Variants in SLCO6A1 observed in about 807,000 individuals in gnomAD.
SLCO6A1 encodes solute carrier organic anion transporter family member 6A1.
Under a neutral mutation model 72.7 loss-of-function variants are expected in SLCO6A1, and 65 were observed. That is an observed-to-expected ratio of 0.89 (90% CI 0.73 to 1.10). The LOEUF is 1.10. Ranked by LOEUF, SLCO6A1 falls within the 50% of genes least tolerant of loss-of-function variation. The pLI, the probability that SLCO6A1 is intolerant of heterozygous loss-of-function variation, is 0.00. For synonymous variants in SLCO6A1, 314 were observed against 298.2 expected (o/e 1.05, Z -0.55); for missense variants, 874 against 872.6 (o/e 1.00, Z -0.02).
chr5:102,444,592 A>G (rs1292736067), intron 6 of SLCO6A1, among the ~76,000 whole-genome samples: 1 of 152,128 alleles, frequency 6.6e-6, no homozygotes, highest in Non-Finnish European at 1.5e-5. Flanking sequence ...AAATGCTGCT[A>G]ATTGCAAATT....
intron 4 of SLCO6A1, among the ~76,000 whole-genome samples, chr5:102,465,699 T>A (rs933366303): frequency 6.6e-6 from 1 of 152,124 alleles, no homozygotes; most frequent in Admixed American, 6.6e-5. Flanking sequence ...GAGTTTACCA[T>A]CACATCTTCC....
intron 7 of SLCO6A1, among the ~76,000 whole-genome samples, chr5:102,423,021 A>G (rs1047848062): frequency 6.6e-6 from 1 of 152,156 alleles, no homozygotes; most frequent in African/African-American, 2.4e-5. Flanking sequence ...TATCCAACCA[A>G]ACTAAGCTTC....
intron 9 of SLCO6A1, among the ~76,000 whole-genome samples, chr5:102,407,713 G>A (rs2112572123): frequency 6.6e-6 from 1 of 152,298 alleles, no homozygotes; most frequent in South Asian, 2.1e-4. Flanking sequence ...TGAAGACGGA[G>A]TGGGTTATAT....
At chr5:102,416,578 G>A (rs1748298531) in intron 8 of SLCO6A1, among the ~76,000 whole-genome samples, 1 of 151,928 alleles carries the variant, frequency 6.6e-6, no homozygotes, top group South Asian at 2.1e-4. Context: ...GACTCAGAAA[G>A]GTAAGGAGGT....
intron 12 of SLCO6A1, among the ~76,000 whole-genome samples, chr5:102,382,035 C>T (rs1746137921): frequency 6.6e-6 from 1 of 151,660 alleles, no homozygotes; most frequent in African/African-American, 2.4e-5. Flanking sequence ...ACTCTGTTGA[C>T]TGTTTCCATT....
At chr5:102,425,565 G>A (rs1196344252) in intron 7 of SLCO6A1, among the ~76,000 whole-genome samples, 2 of 152,082 alleles carry the variant, frequency 1.3e-5, no homozygotes, top group African/African-American at 4.8e-5. Flanking sequence ...ATTTACAAGG[G>A]ATGTGAAGAA....
chr5:102,390,121 T>G (rs1746671552), intron 11 of SLCO6A1, among the ~76,000 whole-genome samples: 1 of 152,146 alleles, frequency 6.6e-6, no homozygotes. Context: ...CTAAAATATC[T>G]ATAGACAGTT....
chr5:102,442,806 GT>G (rs1239020028), intron 6 of SLCO6A1, among the ~76,000 whole-genome samples: 1 of 152,220 alleles, frequency 6.6e-6, no homozygotes, highest in Non-Finnish European at 1.5e-5. Flanking sequence ...GCTCATGCCT[GT>G]ATTCCCAGCA....
At position 102,490,629 on chromosome 5, in the gene SLCO6A1, C is replaced by T. The variant is rs745658887; in HGVS notation, c.358+7858G>A. 7.2e-5 allele frequency among the ~76,000 whole-genome samples: 11 copies of T among 152,168 alleles called. No homozygotes were observed. The South Asian group carries it at 1.0e-3, about 14-fold the overall frequency. The stretch of plus-strand genomic sequence containing the variant: ...TCTGGAGTTTGTTTGTTCTGATGTT[C>T]GGGTGTGTTCCGAGTTTCTTCCTTC... On this transcript the variant is annotated intron_variant, in intron 1 of 13. Transcript: ENST00000506729.
At chr5:102,489,376 T>A (rs1380076584) in intron 1 of SLCO6A1, among the ~76,000 whole-genome samples, 1 of 152,190 alleles carries the variant, frequency 6.6e-6, no homozygotes, top group Non-Finnish European at 1.5e-5. Flanking sequence ...TTACCCAGAA[T>A]ATTTAAGGAA....
At chr5:102,398,092 A>C (rs1360417805) in intron 10 of SLCO6A1, among the ~76,000 whole-genome samples, 1 of 152,204 alleles carries the variant, frequency 6.6e-6, no homozygotes, top group Non-Finnish European at 1.5e-5. Flanking sequence ...TAATGGAATT[A>C]TCATTCATTC....
At chr5:102,473,465 T>C (rs988017465) in intron 4 of SLCO6A1, among the ~76,000 whole-genome samples, 1 of 151,846 alleles carries the variant, frequency 6.6e-6, no homozygotes, top group African/African-American at 2.4e-5. Context: ...TACAAGGAAA[T>C]TACACCTCAA....
At chr5:102,438,240 T>A (rs1465516852) in intron 7 of SLCO6A1, among the ~76,000 whole-genome samples, 2 of 151,968 alleles carry the variant, frequency 1.3e-5, no homozygotes, top group African/African-American at 2.4e-5. Context: ...ACATAATTTC[T>A]GATGAAAAAA....
intron 1 of SLCO6A1, among the ~76,000 whole-genome samples, chr5:102,494,545 T>C (rs767088538): frequency 1.3e-5 from 2 of 152,156 alleles, no homozygotes; most frequent in Non-Finnish European, 2.9e-5. Flanking sequence ...AAGGCTTGCA[T>C]CCAGATTATA....
In SLCO6A1 at chr5:102,498,496, T is replaced by C. The variant is rs1188348004; in HGVS notation, c.349A>G (p.Ile117Val). 8.7e-6 allele frequency: 14 copies of C among 1,612,466 alleles called. No individual in the cohort carries two copies. The highest frequency in any genetic ancestry group is 6.7e-5 in the African/African-American group (5 of 74,840). ...CFMIFYCILL[I>V]CQGVVFGLID... is the part of the protein sequence containing the mutation. ...CCTCCTTCAGGCTCACCTTGACATA[T>C]GAGCAGGATGCAGTAGAAAATCATG... The change falls in exon 1 of 14, where the codon ATA becomes GTA. Residue 117 changes from isoleucine (I) to valine (V), a missense_variant. Coordinates refer to ENST00000506729, the MANE Select transcript of SLCO6A1 (RefSeq NM_173488.5).
chr5:102,480,416 A>G lies in SLCO6A1; in HGVS notation c.377T>C (p.Ile126Thr), dbSNP rs369986569. The change falls in exon 2 of 14, where the codon ATA becomes ACA. Residue 126 changes from isoleucine (I) to threonine (T), a missense_variant. By Grantham distance (89) the Ile-to-Thr change is moderately conservative. Transcript: ENST00000506729. ...CTGAAAATCGCCAATGCTGACATCT[A>G]TAAGACCAAACACCACACCTAAAAT... ...LICQGVVFGL[I>T]DVSIGDFQKE... The G allele has an allele frequency of 8.7e-6, 14 of 1,612,774 alleles. No homozygotes were observed. Among genetic ancestry groups the G allele is most frequent in the African/African-American group, 2.7e-5 (2 of 74,996 alleles).
At chr5:102,434,805 A>C (rs1319495484) in intron 7 of SLCO6A1, among the ~76,000 whole-genome samples, 1 of 152,060 alleles carries the variant, frequency 6.6e-6, no homozygotes, top group Non-Finnish European at 1.5e-5. Flanking sequence ...CACTGTAAAA[A>C]CTATTACTAT....
At position 102,477,748 on chromosome 5, in the gene SLCO6A1, T is replaced by C; in HGVS notation, c.730A>G (p.Met244Val). Reference sequence around the variant, plus strand: ...GTTATTCCAAGGATATAAAGAGGCATTCCTGCTATTCCCTGCACAGTCTGC... The same window carrying C: ...GTTATTCCAAGGATATAAAGAGGCACTCCTGCTATTCCCTGCACAGTCTGC... The part of the protein sequence containing the change: ...LGQTVQGIAG[M>V]PLYILGITFI... Residue 244 changes from methionine to valine, a missense_variant, in exon 3 of 14, where the codon ATG becomes GTG. By Grantham distance (21) the Met-to-Val change is conservative. Coordinates refer to ENST00000506729, the MANE Select transcript of SLCO6A1 (RefSeq NM_173488.5). 1 of 1,613,804 alleles carries C rather than the reference T, an allele frequency of 6.2e-7. No individual in the cohort carries two copies.
intron 12 of SLCO6A1, among the ~76,000 whole-genome samples, chr5:102,378,839 T>C (rs936859392): frequency 2.6e-5 from 4 of 152,156 alleles, no homozygotes; most frequent in African/African-American, 9.7e-5. Flanking sequence ...GGGAGTGCAG[T>C]GGCATGACCT....
Sources: gnomAD v4.1 joint callset for allele counts (sites outside exome capture counted in the v4.1 genomes callset) on GRCh38, gnomAD v4.1.1 for gene constraint, MANE v1.5 for transcripts, NCBI Gene and HGNC (gene_info 2026-07-23, HGNC 2026-07-21) for gene names.